Variants in NSMCE2 observed in about 807,000 individuals in gnomAD.
The protein encoded by NSMCE2 is NSE2 SUMO ligase component of SMC5/6 complex.
Under a neutral mutation model 23.8 loss-of-function variants are expected in NSMCE2, and 24 were observed. The ratio of observed to expected loss-of-function variants is 1.01; its 90% CI spans 0.73 to 1.42. The LOEUF is 1.42. NSMCE2 is among the 40% of genes most tolerant of loss of function. NSMCE2 has a pLI of 0.00. For missense variants in NSMCE2, 284 were observed against 296.5 expected, an observed-to-expected ratio of 0.96 and a Z score of 0.31; for synonymous variants, 92 against 94.1, an observed-to-expected ratio of 0.98 and a Z score of 0.13.
At chr8:125,214,974 G>A (rs1216929523) in intron 5 of NSMCE2, among the ~76,000 whole-genome samples, 3 of 152,046 alleles carry the variant, frequency 2.0e-5, no homozygotes, top group African/African-American at 7.2e-5. Flanking sequence ...CCATTAAACA[G>A]TAATTCCCCA....
chr8:125,167,738 G>T (rs1437447339), intron 4 of NSMCE2, among the ~76,000 whole-genome samples: 1 of 151,964 alleles, frequency 6.6e-6, no homozygotes, highest in East Asian at 1.9e-4. Context: ...AAAATCAGTG[G>T]AATTCTTTTT....
chr8:125,243,501 TA>T (rs36036418), intron 5 of NSMCE2, among the ~76,000 whole-genome samples: 42,009 of 148,572 alleles, frequency 0.28, 8,269 homozygotes, highest in African/African-American at 0.56. Flanking sequence ...AATAATTTTT[TA>T]AAAAAAAAAA....
At chr8:125,357,098 T>C in intron 5 of NSMCE2, 121 bp from the exon 6 acceptor site, 1 of 652,006 alleles carries the variant, frequency 1.5e-6, no homozygotes, top group Non-Finnish European at 2.7e-6. Flanking sequence ...ATGCATCCAG[T>C]CCTTACATGG....
intron 5 of NSMCE2, among the ~76,000 whole-genome samples, chr8:125,353,003 G>C (rs184692347): frequency 6.6e-6 from 1 of 152,128 alleles, no homozygotes; most frequent in African/African-American, 2.4e-5. Flanking sequence ...TTTTTATTTC[G>C]TGATCACTGA....
chr8:125,361,067 CT>C (rs11336684), intron 7 of NSMCE2, among the ~76,000 whole-genome samples: 101,344 of 140,000 alleles, frequency 0.72, 36,297 homozygotes, highest in South Asian at 0.79. Flanking sequence ...TTATGATTTC[CT>C]TTTTTTTTTT....
chr8:125,236,224 C>G (rs1372441969), intron 5 of NSMCE2, among the ~76,000 whole-genome samples: 1 of 152,076 alleles, frequency 6.6e-6, no homozygotes, highest in Non-Finnish European at 1.5e-5. Flanking sequence ...CTAGGGTGCT[C>G]AGAAGTTTCT....
chr8:125,319,749 C>G (rs1369199454), intron 5 of NSMCE2, among the ~76,000 whole-genome samples: 1 of 152,026 alleles, frequency 6.6e-6, no homozygotes, highest in Non-Finnish European at 1.5e-5. Flanking sequence ...GAACAGGGCA[C>G]CAGTGAATTG....
intron 5 of NSMCE2, among the ~76,000 whole-genome samples, chr8:125,222,265 A>G (rs1478376873): frequency 1.3e-5 from 2 of 152,138 alleles, no homozygotes; most frequent in Non-Finnish European, 2.9e-5. Context: ...TAATAATTAT[A>G]TATATTTATG....
intron 5 of NSMCE2, among the ~76,000 whole-genome samples, chr8:125,303,538 C>T (rs770633819): frequency 6.6e-6 from 1 of 152,130 alleles, no homozygotes; most frequent in Non-Finnish European, 1.5e-5. Context: ...AAGTATAATA[C>T]TGGGTGCCAA....
At chr8:125,285,874 G>C (rs1270896879) in intron 5 of NSMCE2, among the ~76,000 whole-genome samples, 4 of 151,984 alleles carry the variant, frequency 2.6e-5, no homozygotes, top group African/African-American at 9.7e-5. Context: ...AGCTTGGTGA[G>C]GTTGAGTTGT....
chr8:125,282,841 A>G (rs76499831), intron 5 of NSMCE2, among the ~76,000 whole-genome samples: 7,700 of 152,364 alleles, frequency 0.051, 272 homozygotes, highest in Middle Eastern at 0.088. Context: ...CACAGTGTAC[A>G]GCCCTACTGG....
chr8:125,312,053 A>G (rs1378743137), intron 5 of NSMCE2, among the ~76,000 whole-genome samples: 2 of 149,584 alleles, frequency 1.3e-5, no homozygotes, highest in Admixed American at 6.8e-5. Flanking sequence ...CCTGGGCAAC[A>G]AGAGCAAAAC....
At chr8:125,256,621 G>A (rs1826429292) in intron 5 of NSMCE2, among the ~76,000 whole-genome samples, 3 of 152,020 alleles carry the variant, frequency 2.0e-5, no homozygotes. Context: ...GGGGAAGAAT[G>A]TTCAGTTAAA....
intron 3 of NSMCE2, among the ~76,000 whole-genome samples, chr8:125,118,091 T>G (rs572737444): frequency 6.6e-6 from 1 of 152,104 alleles, no homozygotes; most frequent in Non-Finnish European, 1.5e-5. Flanking sequence ...GGGTCACAAC[T>G]GTAATCTTAG....
intron 5 of NSMCE2, among the ~76,000 whole-genome samples, chr8:125,356,709 A>G (rs937837728): frequency 6.6e-5 from 10 of 152,220 alleles, no homozygotes; most frequent in African/African-American, 2.2e-4. Context: ...ACCCACATAG[A>G]AAAAGCTTAA....
At chr8:125,235,728 A>C (rs944989439) in intron 5 of NSMCE2, among the ~76,000 whole-genome samples, 14 of 152,186 alleles carry the variant, frequency 9.2e-5, no homozygotes, top group Admixed American at 8.5e-4. Flanking sequence ...TTATTCATAC[A>C]CATCTTATCT....
chr8:125,366,279 G>A (rs1039794737), intron 7 of NSMCE2, among the ~76,000 whole-genome samples: 3 of 152,188 alleles, frequency 2.0e-5, no homozygotes, highest in Non-Finnish European at 2.9e-5. Context: ...GGTGGCTCAC[G>A]CCGGTAATCC....
chr8:125,346,565 G>A (rs1830441809), intron 5 of NSMCE2, among the ~76,000 whole-genome samples: 1 of 152,136 alleles, frequency 6.6e-6, no homozygotes, highest in African/African-American at 2.4e-5. Flanking sequence ...CTATTATTTG[G>A]TTTTCCTAGT....
chr8:125,307,232 C>A (rs1828801132), intron 5 of NSMCE2, among the ~76,000 whole-genome samples: 1 of 152,114 alleles, frequency 6.6e-6, no homozygotes, highest in African/African-American at 2.4e-5. Context: ...AAATAGAAGT[C>A]TCCTTCTTTC....
Sources: gnomAD v4.1 joint callset for allele counts (sites outside exome capture counted in the v4.1 genomes callset) on GRCh38, gnomAD v4.1.1 for gene constraint, MANE v1.5 for transcripts, NCBI Gene and HGNC (gene_info 2026-07-23, HGNC 2026-07-21) for gene names.